Variants in ADAMTS16 observed in about 807,000 individuals in gnomAD.
The protein encoded by ADAMTS16 is ADAM metallopeptidase with thrombospondin type 1 motif 16, also known as A disintegrin and metalloproteinase with thrombospondin motifs 16.
Under a neutral mutation model 145.8 loss-of-function variants are expected in ADAMTS16, and 94 were observed. The observed-to-expected ratio is 0.64, with a 90% CI of 0.55 to 0.77. The LOEUF (loss-of-function observed/expected upper bound fraction) is 0.77. Among genes scored for constraint, ADAMTS16 ranks in the 30% least tolerant of loss-of-function variants. ADAMTS16 has a pLI of 0.00. For synonymous variants in ADAMTS16, 659 were observed against 604.3 expected, an observed-to-expected ratio of 1.09 and a Z score of -1.33; for missense variants, 1,585 against 1,591.5, an observed-to-expected ratio of 1.00 and a Z score of 0.07.
intron 10 of ADAMTS16, 93 bp from the exon 11 acceptor site, chr5:5,222,693 CTGT>C (rs1445759155): frequency 1.0e-6 from 1 of 1,003,810 alleles, no homozygotes; most frequent in Non-Finnish European, 1.5e-6. Context: ...TAAATTATAT[CTGT>C]TGTTTTCACC....
At chr5:5,257,206 T>G (rs934970628) in intron 17 of ADAMTS16, among the ~76,000 whole-genome samples, 2 of 152,088 alleles carry the variant, frequency 1.3e-5, no homozygotes, top group African/African-American at 4.8e-5. Flanking sequence ...AAGTAATACA[T>G]AAAGAAAAGA....
chr5:5,305,906 G>A (rs903534351), intron 20 of ADAMTS16, among the ~76,000 whole-genome samples: 20 of 152,252 alleles, frequency 1.3e-4, no homozygotes, highest in African/African-American at 4.6e-4. Flanking sequence ...GGGGGCTGCA[G>A]CCTCCTGCCT....
At chr5:5,308,104 C>A (rs1277368052) in intron 21 of ADAMTS16, among the ~76,000 whole-genome samples, 4 of 152,238 alleles carry the variant, frequency 2.6e-5, no homozygotes, top group African/African-American at 9.6e-5. Flanking sequence ...GTGGCACACC[C>A]AAGGTGAAGT....
chr5:5,198,777 A>G (rs1429787414), intron 8 of ADAMTS16, among the ~76,000 whole-genome samples: 1 of 152,224 alleles, frequency 6.6e-6, no homozygotes, highest in Non-Finnish European at 1.5e-5. Flanking sequence ...CAACAAGTAC[A>G]GATTCTCTTG....
Position 5,208,790 on chromosome 5 carries a change from T to A in ADAMTS16, c.1452-303T>A, listed in dbSNP as rs556036648. On this transcript the variant is annotated intron_variant, in intron 9 of 22. Transcript: ENST00000274181. ...TGTCCATCATAAGAGCTTCTCATGTTGAACACTGGTTGTAATTATTCAGTT... is the reference window on the plus strand; with the variant it reads ...TGTCCATCATAAGAGCTTCTCATGTAGAACACTGGTTGTAATTATTCAGTT... 2.7e-3 allele frequency among the ~76,000 whole-genome samples: 413 copies of A among 152,364 alleles called. 1 individual carries two copies. Among genetic ancestry groups the A allele is most frequent in the African/African-American group, 9.6e-3 (398 of 41,590 alleles).
At chr5:5,270,536 G>T (rs1009722190) in intron 18 of ADAMTS16, among the ~76,000 whole-genome samples, 1 of 152,146 alleles carries the variant, frequency 6.6e-6, no homozygotes, top group African/African-American at 2.4e-5. Context: ...TGTAAAAGGA[G>T]AAAGAAATTC....
intron 18 of ADAMTS16, among the ~76,000 whole-genome samples, chr5:5,275,638 TTTGTTA>T (rs1288773058): frequency 1.3e-5 from 2 of 152,310 alleles, no homozygotes; most frequent in East Asian, 3.9e-4. Flanking sequence ...AAATTGTTCT[TTTGTTA>T]TTAAGTAATG....
chr5:5,244,126 TA>T (rs1737372951), intron 17 of ADAMTS16, among the ~76,000 whole-genome samples: 1 of 152,188 alleles, frequency 6.6e-6, no homozygotes, highest in Admixed American at 6.5e-5. Context: ...GACCTCTTCA[TA>T]GGACAGAAGA....
rs185615547 is a variant in ADAMTS16, at chr5:5,238,911, G to T, written c.2155-240G>T. 3.6e-4 allele frequency among the ~76,000 whole-genome samples: 55 copies of T among 152,344 alleles called. 1 individual carries two copies. Among genetic ancestry groups the T allele is most frequent in the Non-Finnish European group, 4.4e-5 (3 of 68,032 alleles). On this transcript the variant is annotated intron_variant, in intron 14 of 22. Coordinates refer to ENST00000274181, the MANE Select transcript of ADAMTS16 (RefSeq NM_139056.4). ...ACAGGTTTAATTTGGGGCCACTTGT[G>T]TAACAATACTAAAGAGGACAGGTTA...
At position 5,319,451 on chromosome 5, in the gene ADAMTS16, A is replaced by G; in HGVS notation, c.*313A>G. 2.7e-6 allele frequency: 1 copy of G among 372,180 alleles called. No homozygotes were observed. Among genetic ancestry groups the G allele is most frequent in the Non-Finnish European group, 5.0e-6 (1 of 201,664 alleles). The allele number at this position is 372,180 out of a possible 1,614,324, so 23.1% of individuals were successfully genotyped here. A position where few individuals can be genotyped will look rare whatever the true frequency, so the allele number is the denominator to read the frequency against. ...GCACTCACCCCTGCCTGTTGCAGCTAAATCAAGTCAAAAAGACAGGCGAGG... is the reference window on the plus strand; with the variant it reads ...GCACTCACCCCTGCCTGTTGCAGCTGAATCAAGTCAAAAAGACAGGCGAGG... On this transcript the variant is annotated 3_prime_UTR_variant, in exon 23 of 23. Coordinates refer to ENST00000274181, the MANE Select transcript of ADAMTS16 (RefSeq NM_139056.4).
At chr5:5,208,642 C>T (rs183099861) in intron 9 of ADAMTS16, among the ~76,000 whole-genome samples, 1 of 152,156 alleles carries the variant, frequency 6.6e-6, no homozygotes, top group East Asian at 1.9e-4. Context: ...TGTCCCCTAG[C>T]CTAGAGGGAA....
chr5:5,170,888 T>C (rs1012794351), intron 3 of ADAMTS16, among the ~76,000 whole-genome samples: 1 of 152,202 alleles, frequency 6.6e-6, no homozygotes, highest in African/African-American at 2.4e-5. Context: ...GGTCCATTTT[T>C]GCTTTGGTTG....
rs879184023 is a variant in ADAMTS16, at chr5:5,319,393, A to G, written c.*255A>G. 1.4e-5 allele frequency: 7 copies of G among 490,024 alleles called. No individual in the cohort carries two copies. The South Asian group carries it at 1.6e-4, about 11-fold the overall frequency. The allele number at this position is 490,024 out of a possible 1,614,324, so 30.4% of individuals were successfully genotyped here. On this transcript the variant is annotated 3_prime_UTR_variant, in exon 23 of 23. Transcript: ENST00000274181. ...CTGGCAGACAGAGCTGTGGCTCGTG[A>G]GGCAGAAGGCAGGCACCACAACGGG...
chr5:5,245,623 T>A (rs1737419295), intron 17 of ADAMTS16, among the ~76,000 whole-genome samples: 1 of 152,180 alleles, frequency 6.6e-6, no homozygotes, highest in African/African-American at 2.4e-5. Context: ...AGTTATGGAA[T>A]TCATGAATGG....
intron 10 of ADAMTS16, among the ~76,000 whole-genome samples, chr5:5,212,204 GTT>G (rs1560951043): frequency 4.7e-5 from 4 of 84,688 alleles, no homozygotes; most frequent in Admixed American, 1.7e-4. Flanking sequence ...TTTTTGTTTT[GTT>G]TTGTTTTGTT....
At chr5:5,234,449 G>A (rs553318963) in intron 12 of ADAMTS16, among the ~76,000 whole-genome samples, 1 of 152,306 alleles carries the variant, frequency 6.6e-6, no homozygotes, top group East Asian at 1.9e-4. Flanking sequence ...CCACTGCAGA[G>A]GCACTGGGCC....
At chr5:5,249,341 A>C (rs1737550217) in intron 17 of ADAMTS16, among the ~76,000 whole-genome samples, 1 of 152,146 alleles carries the variant, frequency 6.6e-6, no homozygotes, top group Non-Finnish European at 1.5e-5. Flanking sequence ...TGTGAGGCGG[A>C]CATGTAAGAA....
intron 13 of ADAMTS16, among the ~76,000 whole-genome samples, chr5:5,236,507 T>A (rs974288376): frequency 6.6e-6 from 1 of 152,222 alleles, no homozygotes; most frequent in Non-Finnish European, 1.5e-5. Context: ...CTTTTATTAG[T>A]TTAATTTTTA....
rs572439886 is a variant in ADAMTS16, at chr5:5,243,499, C to A, written c.2662+1308C>A. Among the ~76,000 whole-genome samples, 3 of 152,294 alleles carry A rather than the reference C, an allele frequency of 2.0e-5. No individual in the cohort carries two copies. In the East Asian group the frequency reaches 5.8e-4, roughly 29 times the overall value. On this transcript the variant is annotated intron_variant, in intron 17 of 22. Coordinates refer to ENST00000274181, the MANE Select transcript of ADAMTS16 (RefSeq NM_139056.4). ...TCCTAACCATATGTATTTTTCCTTT[C>A]TTTTCCCTCTGATCTTAAAACCATA...
Sources: gnomAD v4.1 joint callset for allele counts (sites outside exome capture counted in the v4.1 genomes callset) on GRCh38, gnomAD v4.1.1 for gene constraint, MANE v1.5 for transcripts, NCBI Gene and HGNC (gene_info 2026-07-23, HGNC 2026-07-21) for gene names.